Variants in KCNMB2 observed in about 807,000 individuals in gnomAD.
KCNMB2 encodes calcium-activated potassium channel subunit beta-2.
In KCNMB2, 9 loss-of-function variants were observed where a neutral mutation model predicts 24.5. That is an observed-to-expected ratio of 0.37 (90% CI 0.22 to 0.64). KCNMB2 has a LOEUF of 0.64. KCNMB2 is among the 30% of genes least tolerant of loss of function. KCNMB2 has a pLI of 0.63. For synonymous variants in KCNMB2, 109 were observed against 104.4 expected (o/e 1.04, Z -0.27); for missense variants, 226 against 284.3 (o/e 0.79, Z 1.47).
At chr3:178,759,299 A>T (rs1171757451) in intron 1 of KCNMB2, among the ~76,000 whole-genome samples, 1 of 111,606 alleles carries the variant, frequency 9.0e-6, no homozygotes, top group East Asian at 2.6e-4. Context: ...GAGGAGACAT[A>T]TATATATCTC....
At chr3:178,543,054 T>A (rs1458435302) in intron 1 of KCNMB2, among the ~76,000 whole-genome samples, 1 of 152,238 alleles carries the variant, frequency 6.6e-6, no homozygotes, top group African/African-American at 2.4e-5. Flanking sequence ...GATGAAACTA[T>A]AAACTTTAAT....
chr3:178,567,806 T>C (rs1424461239), intron 1 of KCNMB2, among the ~76,000 whole-genome samples: 1 of 152,122 alleles, frequency 6.6e-6, no homozygotes, highest in East Asian at 1.9e-4. Context: ...GTCAGACATA[T>C]CTGAGTTCAA....
rs201338193 is a variant in KCNMB2 at position 178,828,320 on chromosome 3, G to C, written c.370G>C (p.Gly124Arg). ...GGTGTACGTTAACCTGACTTCTTCC[G>C]GGGAAAAGCTCCTCCTCTACCACAC... ...LQVYVNLTSSGEKLLLYHTEE... is the reference protein window; with the variant it reads ...LQVYVNLTSSREKLLLYHTEE... The change falls in exon 4 of 5, where the codon GGG (glycine) becomes CGG (arginine). Residue 124 changes from glycine (G) to arginine (R), a missense_variant. Coordinates refer to ENST00000452583, the MANE Select transcript of KCNMB2 (RefSeq NM_181361.3). 1 of 1,613,868 alleles carries C rather than the reference G, an allele frequency of 6.2e-7. No homozygotes were observed. Among genetic ancestry groups the C allele is most frequent in the Non-Finnish European group, 8.5e-7 (1 of 1,179,906 alleles).
At chr3:178,729,100 A>G (rs1723059186) in intron 1 of KCNMB2, among the ~76,000 whole-genome samples, 1 of 152,156 alleles carries the variant, frequency 6.6e-6, no homozygotes, top group Non-Finnish European at 1.5e-5. Flanking sequence ...CAAACACTGC[A>G]AAAAAAGAAA....
rs186201586 is a variant in KCNMB2 at position 178,653,654 on chromosome 3, A to G, written c.-68+116943A>G. Among the ~76,000 whole-genome samples the G allele has an allele frequency of 2.6e-4, 39 of 152,244 alleles. No homozygotes were observed. In the East Asian group the frequency reaches 7.1e-3, roughly 28 times the overall value. ...TTGATATTCTTTAACTAAAGTAACA[A>G]TTGATATAATTAAATAATTTTTTCT... On this transcript the variant is annotated intron_variant, in intron 1 of 4. Transcript: ENST00000452583.
At chr3:178,692,729 T>G (rs987448034) in intron 1 of KCNMB2, among the ~76,000 whole-genome samples, 1 of 152,236 alleles carries the variant, frequency 6.6e-6, no homozygotes, top group African/African-American at 2.4e-5. Context: ...CTGTTTGGGC[T>G]TTTGTTGTGT....
chr3:178,799,488 T>G (rs1169898599), intron 1 of KCNMB2, among the ~76,000 whole-genome samples: 2 of 152,060 alleles, frequency 1.3e-5, no homozygotes, highest in Non-Finnish European at 2.9e-5. Flanking sequence ...AAAAGAACTC[T>G]ACAATGAAAA....
At chr3:178,621,003 C>T (rs1294313229) in intron 1 of KCNMB2, among the ~76,000 whole-genome samples, 2 of 152,170 alleles carry the variant, frequency 1.3e-5, no homozygotes, top group African/African-American at 4.8e-5. Context: ...AATTTATTTT[C>T]ATAGGCAATG....
At chr3:178,652,197 A>C (rs1399656126) in intron 1 of KCNMB2, among the ~76,000 whole-genome samples, 1 of 152,180 alleles carries the variant, frequency 6.6e-6, no homozygotes, top group African/African-American at 2.4e-5. Context: ...ATTATCCAGA[A>C]TCTACAAGGA....
chr3:178,766,489 C>T (rs1347431060), intron 1 of KCNMB2, among the ~76,000 whole-genome samples: 1 of 152,194 alleles, frequency 6.6e-6, no homozygotes, highest in Non-Finnish European at 1.5e-5. Context: ...CCACCATGCT[C>T]AGCCCACAAA....
intron 1 of KCNMB2, among the ~76,000 whole-genome samples, chr3:178,640,909 G>A (rs534079490): frequency 1.1e-3 from 165 of 151,932 alleles, no homozygotes; most frequent in Non-Finnish European, 2.0e-3. Context: ...CTTCTTTTTT[G>A]CATATGGAGA....
At chr3:178,793,521 G>C (rs919765590) in intron 1 of KCNMB2, among the ~76,000 whole-genome samples, 1 of 151,574 alleles carries the variant, frequency 6.6e-6, no homozygotes, top group Non-Finnish European at 1.5e-5. Context: ...CCCTGGGGGG[G>C]TGGGCAATGG....
At chr3:178,828,571 TTCCTACATTTGTG>T (rs1714926309) in intron 4 of KCNMB2, among the ~76,000 whole-genome samples, 198 bp downstream of exon 4, 1 of 152,202 alleles carries the variant, frequency 6.6e-6, no homozygotes, top group Non-Finnish European at 1.5e-5. Context: ...GGACAAATCA[TTCCTACATTTGTG>T]GTAGTGCAGA....
intron 2 of KCNMB2, among the ~76,000 whole-genome samples, chr3:178,815,960 A>T (rs1714389840): frequency 6.6e-6 from 1 of 151,786 alleles, no homozygotes; most frequent in African/African-American, 2.4e-5. Context: ...TTTGTGAAAG[A>T]TATTGACCTA....
chr3:178,829,437 A>G (rs1243210811), intron 4 of KCNMB2, among the ~76,000 whole-genome samples: 1 of 152,218 alleles, frequency 6.6e-6, no homozygotes, highest in East Asian at 1.9e-4. Context: ...TTGTTACAAT[A>G]ACTTAAAGGA....
At chr3:178,747,275 C>T (rs1723702473) in intron 1 of KCNMB2, among the ~76,000 whole-genome samples, 1 of 152,128 alleles carries the variant, frequency 6.6e-6, no homozygotes, top group African/African-American at 2.4e-5. Context: ...TTTATAAAAC[C>T]ATCAGATTTC....
chr3:178,700,340 T>A (rs1270603469), intron 1 of KCNMB2, among the ~76,000 whole-genome samples: 1 of 152,252 alleles, frequency 6.6e-6, no homozygotes, highest in Non-Finnish European at 1.5e-5. Context: ...AGGATTTCTT[T>A]AAAATTCCAT....
At chr3:178,765,643 ATGTGTGCATGTCCACGTG>A (rs1360830217) in intron 1 of KCNMB2, among the ~76,000 whole-genome samples, 2 of 152,134 alleles carry the variant, frequency 1.3e-5, no homozygotes, top group South Asian at 2.1e-4. Context: ...GCGCGTGTGC[ATGTGTGCATGTCCACGTG>A]TGTGTGCATG....
At chr3:178,577,032 C>G (rs1050761589) in intron 1 of KCNMB2, among the ~76,000 whole-genome samples, 1 of 152,166 alleles carries the variant, frequency 6.6e-6, no homozygotes, top group Non-Finnish European at 1.5e-5. Flanking sequence ...TCCCTGACCC[C>G]GGTGCCTCCT....
Sources: gnomAD v4.1 joint callset for allele counts (sites outside exome capture counted in the v4.1 genomes callset) on GRCh38, gnomAD v4.1.1 for gene constraint, MANE v1.5 for transcripts, NCBI Gene and HGNC (gene_info 2026-07-23, HGNC 2026-07-21) for gene names.